KANSL1L: variants seen among roughly 807,000 people sequenced by gnomAD.
KANSL1L encodes KAT8 regulatory NSL complex subunit 1-like protein.
In KANSL1L, 25 loss-of-function variants were observed where a neutral mutation model predicts 108.6. That is an observed-to-expected ratio of 0.23 (90% CI 0.17 to 0.32). The LOEUF (loss-of-function observed/expected upper bound fraction) is 0.32, where lower values mean the gene tolerates loss of function less well. Ranked by LOEUF, KANSL1L falls within the 10% of genes least tolerant of loss-of-function variation. The probability of loss-of-function intolerance (pLI) is 1.00; values close to 1 mark genes in which losing one functional copy is unlikely to be tolerated. For missense variants in KANSL1L, 1,137 were observed against 1,125.7 expected (o/e 1.01, Z -0.14); for synonymous variants, 405 against 395.1 (o/e 1.03, Z -0.30).
At chr2:210,029,453 C>CA (rs764487578) in intron 10 of KANSL1L, among the ~76,000 whole-genome samples, 7 of 151,374 alleles carry the variant, frequency 4.6e-5, no homozygotes, top group Admixed American at 2.0e-4. Flanking sequence ...GGCCAGATAA[C>CA]AAAAAAACAA....
intron 3 of KANSL1L, among the ~76,000 whole-genome samples, chr2:210,110,794 C>T (rs542353144): frequency 6.6e-6 from 1 of 152,188 alleles, no homozygotes; most frequent in Admixed American, 6.5e-5. Context: ...GATGTAACAC[C>T]TTGGACTAAA....
rs201966183 is a variant in KANSL1L at position 210,027,362 on chromosome 2, A to G, written c.2397-12T>C. On this transcript the variant is annotated splice_polypyrimidine_tract_variant and intron_variant, in intron 11 of 14. Coordinates refer to ENST00000281772, the MANE Select transcript of KANSL1L (RefSeq NM_152519.4). ...CAACCATCCTCCAGCTGTTGAAGAT[A>G]AAAACCAATTTTAAACAGCTTTTAT... 29 of 1,605,088 alleles carry G rather than the reference A, an allele frequency of 1.8e-5. No homozygotes were observed. In the Admixed American group the frequency reaches 2.2e-4, roughly 12 times the overall value.
At chr2:210,052,165 G>A (rs180742825) in intron 6 of KANSL1L, among the ~76,000 whole-genome samples, 2 of 151,624 alleles carry the variant, frequency 1.3e-5, no homozygotes, top group East Asian at 3.9e-4. Context: ...CACCATACCT[G>A]GATCATTTTT....
chr2:210,125,122 C>T (rs965364971), intron 3 of KANSL1L, among the ~76,000 whole-genome samples: 6 of 151,954 alleles, frequency 3.9e-5, no homozygotes, highest in Admixed American at 1.3e-4. Context: ...GATGTGGTGG[C>T]GGGTGCCTGT....
At chr2:210,066,526 C>T (rs1439108401) in intron 6 of KANSL1L, among the ~76,000 whole-genome samples, 1 of 152,150 alleles carries the variant, frequency 6.6e-6, no homozygotes, top group Non-Finnish European at 1.5e-5. Context: ...GCCCTGGTAA[C>T]CACCACCAAG....
chr2:210,138,658 T>C (rs1316571192), intron 2 of KANSL1L, among the ~76,000 whole-genome samples: 1 of 152,234 alleles, frequency 6.6e-6, no homozygotes, highest in Non-Finnish European at 1.5e-5. Context: ...TACATATTTA[T>C]ATATTAACAC....
At chr2:210,128,424 TAAAAA>T (rs2095088959) in intron 3 of KANSL1L, among the ~76,000 whole-genome samples, 1 of 152,128 alleles carries the variant, frequency 6.6e-6, no homozygotes, top group Non-Finnish European at 1.5e-5. Flanking sequence ...TTATTAGTCT[TAAAAA>T]GGAAAGAAAT....
intron 6 of KANSL1L, among the ~76,000 whole-genome samples, chr2:210,062,161 T>C (rs1003154496): frequency 2.0e-5 from 3 of 152,200 alleles, no homozygotes; most frequent in South Asian, 2.1e-4. Context: ...GGGGTGGGTC[T>C]TTCCTGTGCT....
chr2:210,094,782 T>C (rs755189744), intron 5 of KANSL1L, among the ~76,000 whole-genome samples: 1 of 151,890 alleles, frequency 6.6e-6, no homozygotes, highest in South Asian at 2.1e-4. Context: ...TTTATAAGCA[T>C]TAATTAAGTA....
In KANSL1L at chr2:210,022,325, A is replaced by C. The variant is rs899408970; in HGVS notation, c.*624T>G. On this transcript the variant is annotated 3_prime_UTR_variant, in exon 15 of 15. Coordinates refer to ENST00000281772, the MANE Select transcript of KANSL1L (RefSeq NM_152519.4). ...GTTAAAACAACAACAACAACAACAA[A>C]AAACTTCTGTCTCTATATTCAGGAC... 6.6e-6 allele frequency: 1 copy of C among 152,424 alleles called. No homozygotes were observed. 9.4% of individuals were successfully genotyped at this position (152,424 alleles called of 1,614,324 possible).
At chr2:210,030,499 C>CTT (rs34540957) in intron 9 of KANSL1L, among the ~76,000 whole-genome samples, 6,204 of 118,032 alleles carry the variant, frequency 0.053, 216 homozygotes, top group Middle Eastern at 0.24. Flanking sequence ...CTTCCAAGTT[C>CTT]TTTTTTTTTT....
At chr2:210,102,439 T>C (rs1413353285) in intron 4 of KANSL1L, among the ~76,000 whole-genome samples, 1 of 152,106 alleles carries the variant, frequency 6.6e-6, no homozygotes, top group East Asian at 1.9e-4. Context: ...CCACAAGCAA[T>C]GGCAACAAAA....
intron 3 of KANSL1L, among the ~76,000 whole-genome samples, chr2:210,105,308 A>C (rs148680841): frequency 4.1e-3 from 613 of 148,162 alleles, no homozygotes; most frequent in Non-Finnish European, 6.8e-3. Context: ...CTGATATTAC[A>C]TATATTATAT....
intron 6 of KANSL1L, among the ~76,000 whole-genome samples, chr2:210,060,381 A>T (rs890900256): frequency 6.6e-6 from 1 of 152,250 alleles, no homozygotes; most frequent in South Asian, 2.1e-4. Flanking sequence ...GCCTTATTTC[A>T]TAAAGGTTAT....
intron 2 of KANSL1L, among the ~76,000 whole-genome samples, chr2:210,143,630 A>G (rs1311924273): frequency 1.3e-5 from 2 of 152,138 alleles, no homozygotes; most frequent in East Asian, 3.9e-4. Flanking sequence ...TATATCTACT[A>G]TAGGTTTTTG....
At chr2:210,166,204 T>A (rs960500574) in intron 1 of KANSL1L, among the ~76,000 whole-genome samples, 5 of 152,114 alleles carry the variant, frequency 3.3e-5, no homozygotes, top group African/African-American at 1.2e-4. Flanking sequence ...AAACCATACA[T>A]ATTTATGAAT....
intron 8 of KANSL1L, among the ~76,000 whole-genome samples, chr2:210,038,575 ACTTTTT>A (rs1489716453): frequency 1.6e-4 from 25 of 152,122 alleles, no homozygotes; most frequent in African/African-American, 6.0e-4. Context: ...AAGTACACTT[ACTTTTT>A]CTTGTTATTC....
At chr2:210,125,749 T>C (rs1042634905) in intron 3 of KANSL1L, among the ~76,000 whole-genome samples, 2 of 152,200 alleles carry the variant, frequency 1.3e-5, no homozygotes, top group Non-Finnish European at 2.9e-5. Flanking sequence ...ATCATTTTAA[T>C]TGAAGAAAAG....
intron 4 of KANSL1L, among the ~76,000 whole-genome samples, chr2:210,098,463 C>A (rs888090944): frequency 5.3e-5 from 8 of 152,084 alleles, no homozygotes; most frequent in African/African-American, 1.4e-4. Context: ...TCATCTAACA[C>A]ATTTGAACCC....
Sources: allele counts gnomAD v4.1 joint callset (sites outside exome capture counted in the v4.1 genomes callset), GRCh38; gene constraint gnomAD v4.1.1; transcripts MANE v1.5; gene names NCBI Gene and HGNC (gene_info 2026-07-23, HGNC 2026-07-21).